The following RB1 variants were observed in gnomAD, a reference collection of about 807,000 sequenced individuals.
RB1 encodes the protein retinoblastoma-associated protein.
RB1 carries 18 observed loss-of-function variants against 135.4 expected under a neutral mutation model. The observed-to-expected ratio is 0.13, with a 90% CI of 0.09 to 0.20. The LOEUF (loss-of-function observed/expected upper bound fraction) is 0.20. RB1 is among the 10% of genes least tolerant of loss of function. The pLI is 1.00. For synonymous variants in RB1, 365 were observed against 373.2 expected (o/e 0.98, Z 0.25); for missense variants, 868 against 1,110.0 (o/e 0.78, Z 3.10).
At chr13:48,306,056 G>T (rs1404970541) in intron 1 of RB1, among the ~76,000 whole-genome samples, 1 of 152,176 alleles carries the variant, frequency 6.6e-6, no homozygotes, top group East Asian at 1.9e-4. Flanking sequence ...GATCACATGA[G>T]CTTGGGAGTT....
chr13:48,364,506 T>C (rs1056873938), intron 8 of RB1, among the ~76,000 whole-genome samples: 2 of 152,226 alleles, frequency 1.3e-5, no homozygotes, highest in African/African-American at 4.8e-5. Context: ...ATATAGTACA[T>C]ATACAAAATA....
intron 17 of RB1, among the ~76,000 whole-genome samples, chr13:48,400,020 A>T (rs1948678518): frequency 6.6e-6 from 1 of 152,090 alleles, no homozygotes; most frequent in Non-Finnish European, 1.5e-5. Context: ...TAAGAAATTC[A>T]AGGATGTCCA....
At chr13:48,402,137 C>T (rs995170650) in intron 17 of RB1, among the ~76,000 whole-genome samples, 1 of 152,022 alleles carries the variant, frequency 6.6e-6, no homozygotes, top group Non-Finnish European at 1.5e-5. Context: ...ACATAGGATA[C>T]ACTAATCCAA....
At position 48,319,841 on chromosome 13, in the gene RB1, T is replaced by C; in HGVS notation, c.264+12435T>C. 3.1e-6 allele frequency: 1 copy of C among 325,102 alleles called. No homozygotes were observed. Among genetic ancestry groups the C allele is most frequent in the Non-Finnish European group, 6.1e-6 (1 of 164,342 alleles). 20.1% of individuals were successfully genotyped at this position (325,102 alleles called of 1,614,324 possible). On this transcript the variant is annotated intron_variant, in intron 2 of 26. Coordinates refer to ENST00000267163, the MANE Select transcript of RB1 (RefSeq NM_000321.3). This position sits in a 1 kb window ranked among gnomAD's most constrained non-coding sequence, Gnocchi z 5.0. ...CTCTGCTCGAAGGAGTCGTTGCTGC[T>C]CGCTCTGACCGGGAAGGCAGAACCC...
At chr13:48,384,775 T>C (rs890690734) in intron 17 of RB1, among the ~76,000 whole-genome samples, 1 of 152,180 alleles carries the variant, frequency 6.6e-6, no homozygotes, top group Non-Finnish European at 1.5e-5. Flanking sequence ...CATTTTTGCT[T>C]GACAGCCTTG....
At chr13:48,308,219 G>A (rs767892950) in intron 2 of RB1, among the ~76,000 whole-genome samples, 1 of 151,580 alleles carries the variant, frequency 6.6e-6, no homozygotes, top group Non-Finnish European at 1.5e-5. Context: ...GCATGGTGGT[G>A]TGTGCCTATA....
chr13:48,454,891 G>A lies in RB1; in HGVS notation c.1815-1313G>A, dbSNP rs4151583. ...TCCTAGTGTGGCTGGGGTATTGGAA[G>A]AGGAGAATGGTGCAAGATGAGACTG... On this transcript the variant is annotated intron_variant, in intron 18 of 26. Transcript: ENST00000267163. 7.1e-4 allele frequency among the ~76,000 whole-genome samples: 108 copies of A among 152,334 alleles called. 3 individuals carry two copies. The South Asian group carries it at 0.014, about 20-fold the overall frequency.
chr13:48,476,400 G>T, intron 24 of RB1: 1 of 364,148 alleles, frequency 2.7e-6, no homozygotes, highest in Non-Finnish European at 5.2e-6. Flanking sequence ...CCTGTATGGT[G>T]GGTTCTGAAA....
At chr13:48,449,194 T>C (rs955321528) in intron 17 of RB1, among the ~76,000 whole-genome samples, 7 of 152,158 alleles carry the variant, frequency 4.6e-5, no homozygotes, top group Non-Finnish European at 1.0e-4. Flanking sequence ...TGTTTTGGCA[T>C]ATTTATATTA....
At chr13:48,344,366 C>T (rs1952473597) in intron 3 of RB1, among the ~76,000 whole-genome samples, 1 of 152,054 alleles carries the variant, frequency 6.6e-6, no homozygotes, top group Non-Finnish European at 1.5e-5. Context: ...ATGTTAGAGT[C>T]AAAGTAGGGT....
chr13:48,461,031 C>T (rs1949401605), intron 20 of RB1, among the ~76,000 whole-genome samples: 1 of 152,080 alleles, frequency 6.6e-6, no homozygotes, highest in East Asian at 1.9e-4. Context: ...AATTCACACA[C>T]CATAAAAACC....
At chr13:48,401,379 C>T (rs1027982254) in intron 17 of RB1, 2 of 152,048 alleles carry the variant, frequency 1.3e-5, no homozygotes, top group African/African-American at 2.4e-5. Context: ...TAGGAGAAAT[C>T]GATCCTAATT....
intron 17 of RB1, among the ~76,000 whole-genome samples, chr13:48,407,129 C>T (rs1427149502): frequency 6.6e-6 from 1 of 152,190 alleles, no homozygotes; most frequent in Non-Finnish European, 1.5e-5. Context: ...TGTAACGCTG[C>T]TGTAAGTATA....
At chr13:48,332,702 CG>C (rs1322197013) in intron 2 of RB1, among the ~76,000 whole-genome samples, 3 of 152,128 alleles carry the variant, frequency 2.0e-5, no homozygotes, top group African/African-American at 7.2e-5. Flanking sequence ...AGTATCCTTA[CG>C]ACATACACAC....
At chr13:48,317,373 CGAGCGCAG>C (rs1487343460) in intron 2 of RB1, 1 of 371,766 alleles carries the variant, frequency 2.7e-6, no homozygotes, top group African/African-American at 2.1e-5. Context: ...CTCTACTTTC[CGAGCGCAG>C]CGCGCACGGG....
Position 48,334,531 on chromosome 13 carries a change from T to A in RB1, c.265-8068T>A, listed in dbSNP as rs145183146. ...CTCATGAACTATGCGTAAGGATATA[T>A]CTTTTGACCCTGAGGTAGAGCACAA... On this transcript the variant is annotated intron_variant, in intron 2 of 26. Transcript: ENST00000267163. 5.5e-3 allele frequency among the ~76,000 whole-genome samples: 845 copies of A among 152,312 alleles called. 5 individuals are homozygous for A. Among genetic ancestry groups the A allele is most frequent in the Middle Eastern group, 0.01 (3 of 294 alleles).
intron 17 of RB1, among the ~76,000 whole-genome samples, chr13:48,433,540 TAAATA>T (rs1949151792): frequency 6.6e-6 from 1 of 152,172 alleles, no homozygotes; most frequent in Admixed American, 6.5e-5. Flanking sequence ...AAATAAGTCT[TAAATA>T]AGTATGCCAC....
At chr13:48,352,404 G>C (rs1445189436) in intron 6 of RB1, among the ~76,000 whole-genome samples, 1 of 151,726 alleles carries the variant, frequency 6.6e-6, no homozygotes, top group East Asian at 1.9e-4. Flanking sequence ...AATGTCATTG[G>C]TAGTTTGATA....
chr13:48,418,115 T>C (rs1224388354), intron 17 of RB1, among the ~76,000 whole-genome samples: 1 of 152,076 alleles, frequency 6.6e-6, no homozygotes, highest in Non-Finnish European at 1.5e-5. Flanking sequence ...GAAAAAATGT[T>C]AAAAGCAGCC....
Sources: allele counts gnomAD v4.1 joint callset (sites outside exome capture counted in the v4.1 genomes callset), GRCh38; gene constraint gnomAD v4.1.1; non-coding constraint Gnocchi (gnomAD v3.1); transcripts MANE v1.5; gene names NCBI Gene and HGNC (gene_info 2026-07-23, HGNC 2026-07-21).